Variants in DDX18 observed in about 807,000 individuals in gnomAD.
The protein encoded by DDX18 is DEAD-box helicase 18, also known as ATP-dependent RNA helicase DDX18.
DDX18 carries 23 observed loss-of-function variants against 73.5 expected under a neutral mutation model. That is an observed-to-expected ratio of 0.31 (90% CI 0.23 to 0.44). The LOEUF (loss-of-function observed/expected upper bound fraction) is 0.44, where lower values mean the gene tolerates loss of function less well. Among genes scored for constraint, DDX18 ranks in the 20% least tolerant of loss-of-function variants. The pLI is 1.00. For synonymous variants in DDX18, 268 were observed against 282.7 expected (o/e 0.95, Z 0.52); for missense variants, 753 against 792.9 (o/e 0.95, Z 0.60).
Position 117,821,293 on chromosome 2 carries a change from G to A in DDX18, c.647G>A (p.Gly216Asp). Residue 216 changes from glycine (G) to aspartate (D), a missense_variant, in exon 4 of 14, where the codon GGC becomes GAC. By Grantham distance (94) the Gly-to-Asp change is moderately conservative. Transcript: ENST00000263239. ...QHKSIRPLLE[G>D]RDLLAAAKTG... Reference sequence around the variant, plus strand: ...AAAAGTATCAGACCACTTCTGGAAGGCAGGTATGATTAACATTGAAGCTTA... The same window carrying A: ...AAAAGTATCAGACCACTTCTGGAAGACAGGTATGATTAACATTGAAGCTTA... 1 of 1,600,036 alleles carries A rather than the reference G, an allele frequency of 6.2e-7. No individual in the cohort carries two copies.
chr2:117,821,385 G>A lies in DDX18; in HGVS notation c.650+89G>A, dbSNP rs1679844657. 12 of 1,457,890 alleles carry A rather than the reference G, an allele frequency of 8.2e-6. No homozygotes were observed. In the East Asian group the frequency reaches 1.4e-4, roughly 17 times the overall value. The allele number at this position is 1,457,890 out of a possible 1,614,324, so 90.3% of individuals were successfully genotyped here. ...CATACCAGTATATTCTGTTGATTTT[G>A]TACTATATGTTGGGTCATGTATCCA... On this transcript the variant is annotated intron_variant, in intron 4 of 13. Transcript: ENST00000263239.
intron 9 of DDX18, 39 bp downstream of exon 9, chr2:117,825,140 C>T (rs751440858): frequency 3.3e-5 from 52 of 1,585,720 alleles, no homozygotes; most frequent in Non-Finnish European, 4.1e-5. Context: ...ACAGGGTATG[C>T]TTATTAAATC....
intron 3 of DDX18, among the ~76,000 whole-genome samples, chr2:117,820,943 T>C (rs748259413): frequency 6.6e-6 from 1 of 152,202 alleles, no homozygotes; most frequent in African/African-American, 2.4e-5. Flanking sequence ...TGTTTTGTTA[T>C]AGTATGGTCT....
chr2:117,820,570 T>C (rs1046911848), intron 3 of DDX18, among the ~76,000 whole-genome samples: 4 of 152,236 alleles, frequency 2.6e-5, no homozygotes, highest in African/African-American at 7.2e-5. Flanking sequence ...CAAAGAATTA[T>C]TCAGCCCAGA....
rs1442886515 is a variant in DDX18 at position 117,830,602 on chromosome 2, A to G, written c.1891A>G (p.Lys631Glu). The G allele has an allele frequency of 6.2e-7, 1 of 1,613,578 alleles. No homozygotes were observed. The highest frequency in any genetic ancestry group is 8.5e-7 in the Non-Finnish European group (1 of 1,179,814). The change falls in exon 14 of 14, where the codon AAG (lysine) becomes GAG (glutamate). Residue 631 changes from lysine (K) to glutamate (E), a missense_variant. Transcript: ENST00000263239. Reference sequence around the variant, plus strand: ...TCCAGACGTCAACAGTAATGAAGGCAAGCAGAAAAAGCGAGGAGGTGGTGG... The same window carrying G: ...TCCAGACGTCAACAGTAATGAAGGCGAGCAGAAAAAGCGAGGAGGTGGTGG... ...VDLNVNSNEG[K>E]QKKRGGGGGF...
intron 1 of DDX18, among the ~76,000 whole-genome samples, chr2:117,816,097 T>A (rs1402038177): frequency 1.3e-5 from 2 of 152,218 alleles, no homozygotes; most frequent in Non-Finnish European, 2.9e-5. Flanking sequence ...GGTACCTCTG[T>A]ATACAGTACT....
chr2:117,825,802 G>A (rs778019354), intron 10 of DDX18: 1 of 536,782 alleles, frequency 1.9e-6, no homozygotes, highest in Non-Finnish European at 3.2e-6. Context: ...AAAAGGATCA[G>A]TGGGACTTAA....
chr2:117,829,792 C>G (rs1191246323), intron 13 of DDX18, among the ~76,000 whole-genome samples: 1 of 152,180 alleles, frequency 6.6e-6, no homozygotes, highest in African/African-American at 2.4e-5. Context: ...ATCAAAACTT[C>G]AGTGTTTGCT....
chr2:117,821,789 A>G lies in DDX18; in HGVS notation c.751+39A>G, dbSNP rs772751200. 6.8e-6 allele frequency: 11 copies of G among 1,613,462 alleles called. No homozygotes were observed. The Admixed American group carries it at 1.8e-4, about 27-fold the overall frequency. Reference sequence around the variant, plus strand: ...TGCTTGTTTCTGCCATTATTTCACTAGAGGTTTATTGTAGCTGTTACGGAC... The same window carrying G: ...TGCTTGTTTCTGCCATTATTTCACTGGAGGTTTATTGTAGCTGTTACGGAC... On this transcript the variant is annotated intron_variant, in intron 5 of 13. Transcript: ENST00000263239.
At chr2:117,818,911 A>G (rs904988585) in intron 2 of DDX18, among the ~76,000 whole-genome samples, 78 of 152,312 alleles carry the variant, frequency 5.1e-4, no homozygotes, top group African/African-American at 1.8e-3. Flanking sequence ...TTGAACATGT[A>G]GGTCCTACAA....
In DDX18 at chr2:117,824,687, A is replaced by T; in HGVS notation, c.1185A>T (p.Ala395=). The T allele has an allele frequency of 6.1e-6, 9 of 1,480,698 alleles. No homozygotes were observed. The highest frequency in any genetic ancestry group is 7.2e-6 in the Non-Finnish European group (8 of 1,115,920). 91.7% of individuals were successfully genotyped at this position (1,480,698 alleles called of 1,614,324 possible). A position where few individuals can be genotyped will look rare whatever the true frequency, so the allele number is the denominator to read the frequency against. The change falls in exon 8 of 14, where the codon GCA becomes GCT. Residue 395 remains alanine, a synonymous_variant. Coordinates refer to ENST00000263239, the MANE Select transcript of DDX18 (RefSeq NM_006773.4). ...GCGTTGATGATGATAAAGCGAATGCAACAGTGGATGGTCTTGAACAGGTAC... is the reference window on the plus strand; with the variant it reads ...GCGTTGATGATGATAAAGCGAATGCTACAGTGGATGGTCTTGAACAGGTAC... ...YVGVDDDKAN[A]TVDGLEQGYV...
At chr2:117,828,883 C>A in intron 11 of DDX18, 66 bp from the exon 12 acceptor site, 1 of 1,152,000 alleles carries the variant, frequency 8.7e-7, no homozygotes, top group Non-Finnish European at 1.3e-6. Context: ...CCTTCCCTGT[C>A]TTCAGTACCC....
rs747214023 is a variant in DDX18, at chr2:117,817,478, T to TG, written c.122dup (p.Asp42ArgfsTer4). 6.2e-7 allele frequency: 1 copy of TG among 1,611,590 alleles called. No individual in the cohort carries two copies. The highest frequency in any genetic ancestry group is 8.5e-7 in the Non-Finnish European group (1 of 1,179,538). The stretch of plus-strand genomic sequence containing the variant: ...ATCTGACCCTATCGGAAACTCAAAA[T>TG]GGAGATGTATCTGAAGAAACAATGG... On this transcript the variant is annotated frameshift_variant, in exon 2 of 14. Coordinates refer to ENST00000263239, the MANE Select transcript of DDX18 (RefSeq NM_006773.4). LOFTEE classifies it high-confidence loss of function.
At chr2:117,814,982 T>C (rs1007191249) in intron 1 of DDX18, 120 bp downstream of exon 1, 34 of 1,013,574 alleles carry the variant, frequency 3.4e-5, no homozygotes, top group African/African-American at 6.4e-5. Flanking sequence ...GCGTGTGTGA[T>C]TGGGGAGAGT....
intron 4 of DDX18, 73 bp from the exon 5 acceptor site, chr2:117,821,577 T>C: frequency 6.6e-7 from 1 of 1,515,638 alleles, no homozygotes; most frequent in Non-Finnish European, 9.1e-7. Context: ...CCGTAGTGCC[T>C]AAGGTGTGTG....
chr2:117,818,284 C>A (rs750735246), intron 2 of DDX18, among the ~76,000 whole-genome samples: 1 of 152,276 alleles, frequency 6.6e-6, no homozygotes, highest in South Asian at 2.1e-4. Flanking sequence ...GGTCAGCAAA[C>A]TATCCCTCCT....
intron 11 of DDX18, 113 bp downstream of exon 11, chr2:117,826,495 C>A: frequency 2.1e-6 from 2 of 952,312 alleles, no homozygotes; most frequent in Admixed American, 2.3e-5. Flanking sequence ...TACAACCATT[C>A]TTATGGCAAT....
At chr2:117,824,158 A>AT (rs1236940252) in intron 7 of DDX18, among the ~76,000 whole-genome samples, 1 of 152,228 alleles carries the variant, frequency 6.6e-6, no homozygotes, top group Non-Finnish European at 1.5e-5. Context: ...ACTTCGAAGA[A>AT]TGAGTTGACA....
rs1480132263 is a variant in DDX18, at chr2:117,831,439, T to C, written c.*715T>C. 6.6e-6 allele frequency: 1 copy of C among 152,200 alleles called. No homozygotes were observed. Among genetic ancestry groups the C allele is most frequent in the South Asian group, 2.1e-4 (1 of 4,832 alleles). 9.4% of individuals were successfully genotyped at this position (152,200 alleles called of 1,614,324 possible). Reference sequence around the variant, plus strand: ...GGGTAGGAAGAGGATGGAATTGAGATGTTTGAGCCTCATTTACATCAATAG... The same window carrying C: ...GGGTAGGAAGAGGATGGAATTGAGACGTTTGAGCCTCATTTACATCAATAG... On this transcript the variant is annotated 3_prime_UTR_variant, in exon 14 of 14. Coordinates refer to ENST00000263239, the MANE Select transcript of DDX18 (RefSeq NM_006773.4).
Sources: gnomAD v4.1 joint callset for allele counts (sites outside exome capture counted in the v4.1 genomes callset) on GRCh38, gnomAD v4.1.1 for gene constraint, MANE v1.5 for transcripts, NCBI Gene and HGNC (gene_info 2026-07-23, HGNC 2026-07-21) for gene names.